Variants in DYM observed in about 807,000 individuals in gnomAD.
DYM encodes dymeclin, also known as dyggve-Melchior-Clausen syndrome protein.
Under a neutral mutation model 93.1 loss-of-function variants are expected in DYM, and 78 were observed. That is an observed-to-expected ratio of 0.84 (90% CI 0.70 to 1.01). DYM has a LOEUF of 1.01. DYM is among the 50% of genes least tolerant of loss of function. The probability of loss-of-function intolerance (pLI) is 0.00; values close to 1 mark genes in which losing one functional copy is unlikely to be tolerated. For synonymous variants in DYM, 321 were observed against 319.7 expected (o/e 1.00, Z -0.04); for missense variants, 789 against 845.0 (o/e 0.93, Z 0.82).
intron 1 of DYM, among the ~76,000 whole-genome samples, chr18:49,446,049 T>C (rs1253018300): frequency 6.6e-6 from 1 of 152,194 alleles, no homozygotes; most frequent in Non-Finnish European, 1.5e-5. Flanking sequence ...ATATGTATTA[T>C]CTAAAATTGA....
At chr18:49,232,194 T>TC (rs1275567729) in intron 13 of DYM, among the ~76,000 whole-genome samples, 1 of 152,102 alleles carries the variant, frequency 6.6e-6, no homozygotes, top group Non-Finnish European at 1.5e-5. Context: ...AACTATTTGC[T>TC]CCCCCCACTT....
intron 10 of DYM, among the ~76,000 whole-genome samples, chr18:49,276,198 T>C (rs1385754440): frequency 1.3e-5 from 2 of 152,196 alleles, no homozygotes; most frequent in Non-Finnish European, 2.9e-5. Context: ...TGATGTGAGC[T>C]GTGGGGTTTT....
chr18:49,061,751 C>T (rs542894169), intron 17 of DYM, among the ~76,000 whole-genome samples: 4 of 152,312 alleles, frequency 2.6e-5, no homozygotes, highest in African/African-American at 9.6e-5. Context: ...CAGCTCTTCA[C>T]AGCTGCCTCT....
intron 8 of DYM, among the ~76,000 whole-genome samples, chr18:49,289,772 T>TATAA (rs1555678772): frequency 1.4e-4 from 5 of 36,640 alleles, no homozygotes; most frequent in African/African-American, 2.5e-4. Context: ...TATATATATA[T>TATAA]ACACATATAT....
intron 15 of DYM, among the ~76,000 whole-genome samples, chr18:49,146,792 T>G (rs910126481): frequency 1.4e-4 from 21 of 152,194 alleles, no homozygotes; most frequent in African/African-American, 4.8e-4. Context: ...ATAGATTCAA[T>G]GCCATCCCCA....
chr18:49,153,576 G>C (rs745629065), intron 15 of DYM, among the ~76,000 whole-genome samples: 5 of 152,136 alleles, frequency 3.3e-5, no homozygotes, highest in Non-Finnish European at 5.9e-5. Flanking sequence ...ACATGAAAGA[G>C]CTCCCAATGG....
chr18:49,088,503 A>G (rs898058821), intron 17 of DYM, among the ~76,000 whole-genome samples: 10 of 151,362 alleles, frequency 6.6e-5, no homozygotes, highest in African/African-American at 2.2e-4. Context: ...TGGTGCATGT[A>G]TACATATGTA....
chr18:49,057,113 G>A (rs936528268), intron 17 of DYM, among the ~76,000 whole-genome samples: 3 of 152,230 alleles, frequency 2.0e-5, no homozygotes, highest in East Asian at 3.8e-4. Context: ...ATCTGGCCTT[G>A]GGCAGGCTAG....
At chr18:49,247,940 AG>A (rs2094206104) in intron 13 of DYM, among the ~76,000 whole-genome samples, 1 of 152,218 alleles carries the variant, frequency 6.6e-6, no homozygotes, top group Non-Finnish European at 1.5e-5. Context: ...CACTGGCTGT[AG>A]GAAATACAGG....
At chr18:49,159,212 T>C (rs545631402) in intron 15 of DYM, among the ~76,000 whole-genome samples, 3 of 152,302 alleles carry the variant, frequency 2.0e-5, no homozygotes, top group Non-Finnish European at 4.4e-5. Flanking sequence ...CCATCAACTA[T>C]TGAGTCAAAT....
chr18:49,063,615 C>G (rs1427199228), intron 17 of DYM, among the ~76,000 whole-genome samples: 2 of 128,974 alleles, frequency 1.6e-5, no homozygotes, highest in Non-Finnish European at 3.2e-5. Flanking sequence ...CTTTCTTTCT[C>G]TCTCTTTTTT....
At chr18:49,317,705 C>CT (rs576450484) in intron 8 of DYM, among the ~76,000 whole-genome samples, 3 of 146,282 alleles carry the variant, frequency 2.1e-5, no homozygotes, top group African/African-American at 7.6e-5. Context: ...TTCTTTCTTT[C>CT]AAGCAATTCT....
chr18:49,120,536 G>A (rs1459424958), intron 15 of DYM, among the ~76,000 whole-genome samples: 1 of 152,152 alleles, frequency 6.6e-6, no homozygotes, highest in African/African-American at 2.4e-5. Flanking sequence ...TACTACAGTT[G>A]CTCACTCCAT....
chr18:49,346,115 A>G (rs2064572713), intron 6 of DYM, among the ~76,000 whole-genome samples: 1 of 152,184 alleles, frequency 6.6e-6, no homozygotes, highest in South Asian at 2.1e-4. Flanking sequence ...TCACTTAGCA[A>G]TTCCATTCCT....
intron 13 of DYM, among the ~76,000 whole-genome samples, chr18:49,218,122 A>C (rs146946747): frequency 3.1e-4 from 47 of 152,326 alleles, no homozygotes; most frequent in African/African-American, 1.1e-3. Flanking sequence ...CTGATAAAAC[A>C]GACTTTAAAC....
chr18:49,055,823 T>A (rs1183272250), intron 17 of DYM, among the ~76,000 whole-genome samples: 1 of 152,194 alleles, frequency 6.6e-6, no homozygotes, highest in Non-Finnish European at 1.5e-5. Flanking sequence ...AGGCAAAGAC[T>A]ACGATGAGCT....
intron 5 of DYM, among the ~76,000 whole-genome samples, chr18:49,365,460 T>C (rs1417909414): frequency 1.3e-5 from 2 of 152,218 alleles, no homozygotes; most frequent in African/African-American, 4.8e-5. Context: ...TCTCTGGGAC[T>C]GCATGATTAG....
At chr18:49,309,380 A>T (rs76958588) in intron 8 of DYM, among the ~76,000 whole-genome samples, 12,156 of 152,196 alleles carry the variant, frequency 0.08, 765 homozygotes, top group East Asian at 0.31. Flanking sequence ...CATGTCCATA[A>T]TCCCAGCATT....
chr18:49,189,775 A>G (rs2090797001), intron 14 of DYM, among the ~76,000 whole-genome samples: 1 of 152,190 alleles, frequency 6.6e-6, no homozygotes, highest in Non-Finnish European at 1.5e-5. Context: ...AGACTAGAAA[A>G]CTAGATGGTG....
Sources: allele counts gnomAD v4.1 joint callset (sites outside exome capture counted in the v4.1 genomes callset), GRCh38; gene constraint gnomAD v4.1.1; transcripts MANE v1.5; gene names NCBI Gene and HGNC (gene_info 2026-07-23, HGNC 2026-07-21).